RELN: variants seen among roughly 807,000 people sequenced by gnomAD.
The protein encoded by RELN is reelin.
In RELN, 108 loss-of-function variants were observed where a neutral mutation model predicts 427.6. That is an observed-to-expected ratio of 0.25 (90% CI 0.22 to 0.30). RELN has a LOEUF of 0.30. Ranked by LOEUF, RELN falls within the 10% of genes least tolerant of loss-of-function variation. The pLI is 1.00. For missense variants in RELN, 3,715 were observed against 4,302.8 expected, an observed-to-expected ratio of 0.86 and a Z score of 3.82; for synonymous variants, 1,524 against 1,513.4, an observed-to-expected ratio of 1.01 and a Z score of -0.16.
intron 6 of RELN, 24 bp downstream of exon 6, chr7:103,749,402 G>A: frequency 1.3e-6 from 2 of 1,581,540 alleles, no homozygotes; most frequent in Non-Finnish European, 1.7e-6. Flanking sequence ...GCAAACCAAA[G>A]TGAGGAATGT....
rs1031221834 is a variant in RELN, at chr7:103,620,124, T to C, written c.2703-8321A>G. Among the ~76,000 whole-genome samples, 2 of 152,294 alleles carry C rather than the reference T, an allele frequency of 1.3e-5. No individual in the cohort carries two copies. Among genetic ancestry groups the C allele is most frequent in the Non-Finnish European group, 2.9e-5 (2 of 68,020 alleles). On this transcript the variant is annotated intron_variant, in intron 20 of 64. Coordinates refer to ENST00000428762, the MANE Select transcript of RELN (RefSeq NM_005045.4). This position sits in a 1 kb window ranked among gnomAD's most constrained non-coding sequence, Gnocchi z 4.1. Reference sequence around the variant, plus strand: ...TGAATGATGGGGATGGGTTCACCCATACTGTTCTCATGGTAGTGGGTAAGT... The same window carrying C: ...TGAATGATGGGGATGGGTTCACCCACACTGTTCTCATGGTAGTGGGTAAGT...
chr7:103,656,084 C>T (rs2117399538), intron 12 of RELN, among the ~76,000 whole-genome samples: 1 of 152,100 alleles, frequency 6.6e-6, no homozygotes, highest in East Asian at 1.9e-4. Flanking sequence ...ACTGCAGTAA[C>T]CTCATTAAGG....
At chr7:103,866,496 A>G (rs879751825) in intron 2 of RELN, among the ~76,000 whole-genome samples, 4 of 152,216 alleles carry the variant, frequency 2.6e-5, no homozygotes, top group Non-Finnish European at 5.9e-5. Flanking sequence ...TGAAAACTAG[A>G]TATTTGTGAT....
chr7:103,721,988 A>G (rs1790087820), intron 8 of RELN, among the ~76,000 whole-genome samples: 1 of 152,220 alleles, frequency 6.6e-6, no homozygotes, highest in African/African-American at 2.4e-5. Context: ...ACACTTGTTA[A>G]TAAGTCAAAG....
intron 1 of RELN, among the ~76,000 whole-genome samples, chr7:103,958,653 G>A (rs1796484867): frequency 1.3e-5 from 2 of 151,968 alleles, no homozygotes; most frequent in Non-Finnish European, 2.9e-5. Flanking sequence ...GGAAGGAGAG[G>A]GTAGAAACAG....
At chr7:103,525,058 A>T (rs570456767) in intron 46 of RELN, among the ~76,000 whole-genome samples, 12 of 152,084 alleles carry the variant, frequency 7.9e-5, no homozygotes, top group African/African-American at 2.9e-4. Context: ...GCCAAAGCAC[A>T]CCAAACTCAT....
At chr7:103,696,826 T>C (rs1833986307) in intron 10 of RELN, among the ~76,000 whole-genome samples, 1 of 152,158 alleles carries the variant, frequency 6.6e-6, no homozygotes, top group South Asian at 2.1e-4. Flanking sequence ...ACAAATATGA[T>C]TGGCTCCTGT....
chr7:103,822,410 A>G (rs1198544395), intron 3 of RELN, among the ~76,000 whole-genome samples: 2 of 152,094 alleles, frequency 1.3e-5, no homozygotes, highest in African/African-American at 4.8e-5. Context: ...AAAAATTCAA[A>G]TTATTGATAA....
intron 63 of RELN, among the ~76,000 whole-genome samples, chr7:103,480,206 G>A (rs1828183939): frequency 6.6e-6 from 1 of 152,134 alleles, no homozygotes; most frequent in Non-Finnish European, 1.5e-5. Flanking sequence ...TCAGTTAATA[G>A]GGGTTTATGG....
intron 19 of RELN, among the ~76,000 whole-genome samples, chr7:103,634,225 TTCTG>T (rs1232844236): frequency 6.6e-6 from 1 of 152,146 alleles, no homozygotes; most frequent in Non-Finnish European, 1.5e-5. Context: ...GTCCAAATCC[TTCTG>T]TCTTTCTCAT....
intron 3 of RELN, among the ~76,000 whole-genome samples, chr7:103,815,978 T>C (rs1792859100): frequency 6.6e-6 from 1 of 152,242 alleles, no homozygotes; most frequent in African/African-American, 2.4e-5. Flanking sequence ...TAAACTGTTA[T>C]ACGTCAAGTC....
At chr7:103,561,052 C>T (rs1413279280) in intron 36 of RELN, among the ~76,000 whole-genome samples, 2 of 151,834 alleles carry the variant, frequency 1.3e-5, no homozygotes, top group African/African-American at 2.4e-5. Flanking sequence ...CCAGACATCT[C>T]GGTTGAAATA....
chr7:103,821,870 G>A (rs561737309), intron 3 of RELN, among the ~76,000 whole-genome samples: 6 of 152,202 alleles, frequency 3.9e-5, no homozygotes, highest in Non-Finnish European at 5.9e-5. Context: ...CCTGGAAAAC[G>A]AATATGCTCA....
intron 11 of RELN, 40 bp from the exon 12 acceptor site, chr7:103,661,567 TA>T (rs1278090371): frequency 6.3e-7 from 1 of 1,578,400 alleles, no homozygotes; most frequent in Admixed American, 1.7e-5. Context: ...GTTAGAATAT[TA>T]AGCCAAATCT....
rs573559647 is a variant in RELN at position 103,567,692 on chromosome 7, A to G, written c.4589-933T>C. ...ATAATTTTCCTAAGACTGGCACTGC[A>G]TATTCATAATTACGACTAGGGATAC... is the stretch of plus-strand genomic sequence containing the variant. On this transcript the variant is annotated intron_variant, in intron 31 of 64. Coordinates refer to ENST00000428762, the MANE Select transcript of RELN (RefSeq NM_005045.4). Among the ~76,000 whole-genome samples, 15 of 152,100 alleles carry G rather than the reference A, an allele frequency of 9.9e-5. No individual in the cohort carries two copies. The South Asian group carries it at 2.7e-3, about 27-fold the overall frequency.
intron 59 of RELN, 82 bp downstream of exon 59, chr7:103,490,586 T>G (rs1828616487): frequency 2.1e-6 from 3 of 1,424,928 alleles, no homozygotes; most frequent in Admixed American, 1.7e-5. Context: ...TGCCTCACAC[T>G]GTCAGTTGTT....
At chr7:103,781,854 T>A (rs1791898562) in intron 3 of RELN, among the ~76,000 whole-genome samples, 1 of 152,014 alleles carries the variant, frequency 6.6e-6, no homozygotes. Context: ...TTTACAGCTG[T>A]CTCTCGGGGG....
chr7:103,589,234 AG>A (rs1299833973), intron 28 of RELN, among the ~76,000 whole-genome samples: 1 of 152,196 alleles, frequency 6.6e-6, no homozygotes, highest in Admixed American at 6.5e-5. Flanking sequence ...TATAAAGCTG[AG>A]TGCAAACAAT....
chr7:103,757,493 G>T (rs1365485360), intron 4 of RELN, among the ~76,000 whole-genome samples: 1 of 152,026 alleles, frequency 6.6e-6, no homozygotes, highest in Non-Finnish European at 1.5e-5. Flanking sequence ...ATTTAAAATT[G>T]CACGATTAAA....
Sources: allele counts gnomAD v4.1 joint callset (sites outside exome capture counted in the v4.1 genomes callset), GRCh38; gene constraint gnomAD v4.1.1; non-coding constraint Gnocchi (gnomAD v3.1); transcripts MANE v1.5; gene names NCBI Gene and HGNC (gene_info 2026-07-23, HGNC 2026-07-21).